TMEM207: variants seen among roughly 807,000 people sequenced by gnomAD.
The protein encoded by TMEM207 is transmembrane protein 207, also known as SRSR846.
A neutral mutation model predicts 17.4 loss-of-function variants in TMEM207; 15 were observed. The observed-to-expected ratio is 0.86, with a 90% confidence interval of 0.58 to 1.33. The LOEUF (loss-of-function observed/expected upper bound fraction) is 1.33. Ranked by LOEUF, TMEM207 falls within the 40% of genes most tolerant of loss-of-function variation. The probability of loss-of-function intolerance (pLI) is 0.00; values close to 1 mark genes in which losing one functional copy is unlikely to be tolerated. For missense variants in TMEM207, 205 were observed against 173.8 expected (o/e 1.18, Z -1.01); for synonymous variants, 70 against 65.6 (o/e 1.07, Z -0.33).
At chr3:190,431,472 A>G (rs1719690603) in intron 4 of TMEM207, among the ~76,000 whole-genome samples, 1 of 152,020 alleles carries the variant, frequency 6.6e-6, no homozygotes, top group Admixed American at 6.6e-5. Flanking sequence ...ATTATTAATT[A>G]TAATATAGAA....
At chr3:190,434,686 CTT>C (rs936298525) in intron 4 of TMEM207, among the ~76,000 whole-genome samples, 3 of 152,186 alleles carry the variant, frequency 2.0e-5, no homozygotes, top group African/African-American at 7.2e-5. Context: ...AATTATTCAT[CTT>C]TGACGATTTA....
At chr3:190,441,572 G>T (rs1428012245) in intron 2 of TMEM207, 90 bp from the exon 3 acceptor site, 2 of 1,024,646 alleles carry the variant, frequency 2.0e-6, no homozygotes, top group African/African-American at 1.6e-5. Flanking sequence ...GATCACACTT[G>T]TTTCTCCAGA....
At chr3:190,441,162 C>T (rs1176532208) in intron 3 of TMEM207, among the ~76,000 whole-genome samples, 1 of 152,080 alleles carries the variant, frequency 6.6e-6, no homozygotes, top group Non-Finnish European at 1.5e-5. Context: ...AGTGGAGGGT[C>T]ATTTAGGGAG....
At chr3:190,445,842 T>C (rs1221443290) in intron 2 of TMEM207, among the ~76,000 whole-genome samples, 1 of 152,282 alleles carries the variant, frequency 6.6e-6, no homozygotes, top group East Asian at 1.9e-4. Flanking sequence ...TTTGTTTGTT[T>C]GTTTGTTTTA....
chr3:190,442,484 C>G (rs530452360), intron 2 of TMEM207, among the ~76,000 whole-genome samples: 1 of 152,314 alleles, frequency 6.6e-6, no homozygotes, highest in South Asian at 2.1e-4. Context: ...TGACTTTTAA[C>G]ATATGTGAAG....
At chr3:190,449,490 G>T (rs1258128964) in intron 1 of TMEM207, among the ~76,000 whole-genome samples, 1 of 152,170 alleles carries the variant, frequency 6.6e-6, no homozygotes, top group East Asian at 1.9e-4. Context: ...GGTTAAATTT[G>T]CAATCACGTT....
intron 4 of TMEM207, among the ~76,000 whole-genome samples, chr3:190,435,756 C>T (rs920791874): frequency 1.3e-5 from 2 of 152,182 alleles, no homozygotes; most frequent in African/African-American, 4.8e-5. Context: ...AAGACAGGAA[C>T]ATTAGCCCGG....
chr3:190,445,586 T>A lies in TMEM207; in HGVS notation c.113+2204A>T, dbSNP rs1221481134. 2.6e-5 allele frequency among the ~76,000 whole-genome samples: 4 copies of A among 152,164 alleles called. No individual in the cohort carries two copies. The East Asian group carries it at 7.7e-4, about 29-fold the overall frequency. ...TGTTACCCAGGCTGGAGTGCAGTGG[T>A]GCGATCTCGGCTCACTGCAACCGCC... is the stretch of plus-strand genomic sequence containing the variant. On this transcript the variant is annotated intron_variant, in intron 2 of 4. Coordinates refer to ENST00000354905, the MANE Select transcript of TMEM207 (RefSeq NM_207316.3).
chr3:190,439,994 C>G (rs41410844), intron 4 of TMEM207, among the ~76,000 whole-genome samples: 5,389 of 152,234 alleles, frequency 0.035, 234 homozygotes, highest in African/African-American at 0.099. Context: ...GCTTATTGAA[C>G]AACAAAATAT....
chr3:190,447,674 GATTATA>G, intron 2 of TMEM207, 110 bp downstream of exon 2: 1 of 976,256 alleles, frequency 1.0e-6, no homozygotes, highest in Non-Finnish European at 1.5e-6. Context: ...CTTTTCTTCT[GATTATA>G]ATGATCATTT....
At chr3:190,442,892 C>A (rs1024489430) in intron 2 of TMEM207, among the ~76,000 whole-genome samples, 2 of 152,116 alleles carry the variant, frequency 1.3e-5, no homozygotes, top group Non-Finnish European at 1.5e-5. Context: ...TCTACAAGTA[C>A]AATGATTTCG....
chr3:190,446,165 T>G (rs937786680), intron 2 of TMEM207, among the ~76,000 whole-genome samples: 2 of 151,542 alleles, frequency 1.3e-5, no homozygotes, highest in Non-Finnish European at 3.0e-5. Flanking sequence ...TACTCTCTTA[T>G]AGCAGTGCTG....
intron 2 of TMEM207, chr3:190,444,402 G>A: frequency 1.0e-6 from 1 of 984,932 alleles, no homozygotes; most frequent in Non-Finnish European, 1.2e-6. Flanking sequence ...TGGTGCGACT[G>A]GGACAGTAAT....
intron 4 of TMEM207, among the ~76,000 whole-genome samples, chr3:190,431,165 T>C (rs1204895940): frequency 6.6e-6 from 1 of 152,160 alleles, no homozygotes; most frequent in African/African-American, 2.4e-5. Context: ...CTTAGAGTTA[T>C]CTATTTAATT....
intron 2 of TMEM207, among the ~76,000 whole-genome samples, chr3:190,445,220 C>G (rs1720019140): frequency 6.6e-6 from 1 of 152,152 alleles, no homozygotes; most frequent in African/African-American, 2.4e-5. Context: ...AATTAATTTA[C>G]AGAATCTTTT....
intron 4 of TMEM207, among the ~76,000 whole-genome samples, chr3:190,433,833 T>A (rs950023855): frequency 1.3e-5 from 2 of 152,106 alleles, no homozygotes; most frequent in African/African-American, 4.8e-5. Flanking sequence ...TGGCTTCTCA[T>A]GAATGACTTA....
chr3:190,443,138 A>G (rs1400369801), intron 2 of TMEM207, among the ~76,000 whole-genome samples: 1 of 142,364 alleles, frequency 7.0e-6, no homozygotes, highest in Non-Finnish European at 1.5e-5. Flanking sequence ...TGACACAATT[A>G]AAAAAGCTTT....
intron 4 of TMEM207, among the ~76,000 whole-genome samples, chr3:190,435,767 G>C (rs1719791960): frequency 1.3e-5 from 2 of 152,286 alleles, no homozygotes; most frequent in Non-Finnish European, 1.5e-5. Flanking sequence ...ATTAGCCCGG[G>C]AAACACTACT....
At chr3:190,438,085 T>C (rs9827305) in intron 4 of TMEM207, among the ~76,000 whole-genome samples, 107,236 of 126,682 alleles carry the variant, frequency 0.85, 45,475 homozygotes, top group African/African-American at 0.96. Context: ...ACATCACACT[T>C]GGGACTGTTG....
Sources: allele counts gnomAD v4.1 joint callset (sites outside exome capture counted in the v4.1 genomes callset), GRCh38; gene constraint gnomAD v4.1.1; transcripts MANE v1.5; gene names NCBI Gene and HGNC (gene_info 2026-07-23, HGNC 2026-07-21).